DYSF: variants seen among roughly 807,000 people sequenced by gnomAD.
The protein encoded by DYSF is dystrophy-associated fer-1-like 1.
In DYSF, 212 loss-of-function variants were observed where a neutral mutation model predicts 274.9. That is an observed-to-expected ratio of 0.77 (90% CI 0.69 to 0.86). The LOEUF is 0.86. Ranked by LOEUF, DYSF falls within the 40% of genes least tolerant of loss-of-function variation. DYSF has a pLI of 0.00. For missense variants in DYSF, 2,666 were observed against 2,783.2 expected, an observed-to-expected ratio of 0.96 and a Z score of 0.95; for synonymous variants, 1,091 against 1,078.7, an observed-to-expected ratio of 1.01 and a Z score of -0.22.
chr2:71,607,328 T>C (rs1016870501), intron 36 of DYSF, among the ~76,000 whole-genome samples: 1 of 152,172 alleles, frequency 6.6e-6, no homozygotes, highest in African/African-American at 2.4e-5. Context: ...GGGTTGCGTG[T>C]GTCCCAGGAG....
At chr2:71,550,062 C>G (rs142212946) in intron 17 of DYSF, among the ~76,000 whole-genome samples, 2 of 152,232 alleles carry the variant, frequency 1.3e-5, no homozygotes, top group Non-Finnish European at 2.9e-5. Flanking sequence ...CTAGCTCAAA[C>G]GCTTCTTTGC....
At chr2:71,635,405 A>G (rs1207369995) in intron 41 of DYSF, among the ~76,000 whole-genome samples, 1 of 151,458 alleles carries the variant, frequency 6.6e-6, no homozygotes, top group Non-Finnish European at 1.5e-5. Context: ...CAGAACTGCA[A>G]TTATGTCTTT....
rs1159294834 is a variant in DYSF at position 71,582,106 on chromosome 2, CAAAA to C, written c.3403-7463_3403-7460del. Among the ~76,000 whole-genome samples, 6 of 35,114 alleles carry C rather than the reference CAAAA, an allele frequency of 1.7e-4. No homozygotes were observed. The East Asian group carries it at 2.5e-3, about 15-fold the overall frequency. 23.0% of individuals were successfully genotyped at this position (35,114 alleles called of 152,430 possible). On this transcript the variant is annotated intron_variant, in intron 30 of 55. Transcript: ENST00000410020. ...TGGGAGACAGAAGGAGACTCCGTCT[CAAAA>C]AAAAAAAAAAAAAAAAAAAAAAAGG...
intron 17 of DYSF, among the ~76,000 whole-genome samples, chr2:71,541,010 A>G (rs1026749825): frequency 1.3e-5 from 2 of 152,210 alleles, no homozygotes; most frequent in African/African-American, 2.4e-5. Context: ...TCTTTTCCCT[A>G]TATTTCGAAA....
chr2:71,555,271 G>T (rs1027770612), intron 21 of DYSF, among the ~76,000 whole-genome samples: 6 of 152,144 alleles, frequency 3.9e-5, no homozygotes, highest in Admixed American at 3.3e-4. Flanking sequence ...GGCAGGGACC[G>T]TGTTCTTTCC....
At position 71,674,999 on chromosome 2, in the gene DYSF, A is replaced by G. The variant is rs186539563; in HGVS notation, c.5884+703A>G. ...CATGAAAGCAATGAAATACTGATAC[A>G]TACTACACTGTAGGTGAACCTGAAA... On this transcript the variant is annotated intron_variant, in intron 52 of 55. Coordinates refer to ENST00000410020, the MANE Select transcript of DYSF (RefSeq NM_001130987.2). Among the ~76,000 whole-genome samples the G allele has an allele frequency of 4.3e-4, 66 of 152,352 alleles. 2 individuals are homozygous for G. The highest frequency in any genetic ancestry group is 4.1e-3 in the East Asian group (21 of 5,176).
At chr2:71,546,026 G>C (rs2090436900) in intron 17 of DYSF, among the ~76,000 whole-genome samples, 2 of 152,052 alleles carry the variant, frequency 1.3e-5, no homozygotes, top group Admixed American at 1.3e-4. Flanking sequence ...TGATTTAAGT[G>C]GCAGTAAAAG....
At chr2:71,663,044 C>CATATTTGTGTGTGTATGTCT (rs1373618587) in intron 45 of DYSF, among the ~76,000 whole-genome samples, 3 of 35,342 alleles carry the variant, frequency 8.5e-5, no homozygotes, top group South Asian at 1.0e-3. Context: ...TGTGTGTGCG[C>CATATTTGTGTGTGTATGTCT]GCACGCGCGT....
In DYSF at chr2:71,515,690, C is replaced by A. The variant is rs2086579500; in HGVS notation, c.827C>A (p.Thr276Asn). ...GVNIKPVVKVTAAGQTKRTRI... is the reference protein window; with the variant it reads ...GVNIKPVVKVNAAGQTKRTRI... The stretch of plus-strand genomic sequence containing the variant: ...AACATCAAGCCTGTGGTCAAGGTTA[C>A]CGCTGCAGGGCAGACCAAGCGGACG... Residue 276 changes from threonine (T) to asparagine (N), a missense_variant, in exon 8 of 56, where the codon ACC becomes AAC. By Grantham distance (65) the Thr-to-Asn change is moderately conservative (BLOSUM62 0). Coordinates refer to ENST00000410020, the MANE Select transcript of DYSF (RefSeq NM_001130987.2). 2 of 1,614,098 alleles carry A rather than the reference C, an allele frequency of 1.2e-6. No individual in the cohort carries two copies. Among genetic ancestry groups the A allele is most frequent in the Non-Finnish European group, 1.7e-6 (2 of 1,180,014 alleles).
intron 42 of DYSF, among the ~76,000 whole-genome samples, chr2:71,653,890 A>C (rs900315080): frequency 4.6e-5 from 7 of 151,838 alleles, no homozygotes; most frequent in Admixed American, 3.3e-4. Flanking sequence ...ACATAAGATA[A>C]TCAAACGTAA....
chr2:71,649,264 G>A (rs1385761994), intron 42 of DYSF, among the ~76,000 whole-genome samples: 2 of 152,038 alleles, frequency 1.3e-5, no homozygotes, highest in African/African-American at 4.8e-5. Flanking sequence ...TGTAGAGATG[G>A]TAAAACTGAC....
In DYSF at chr2:71,481,939, G is replaced by C. The variant is rs373900375; in HGVS notation, c.208G>C (p.Val70Leu). The C allele has an allele frequency of 6.2e-7, 1 of 1,614,068 alleles. No individual in the cohort carries two copies. Among genetic ancestry groups the C allele is most frequent in the Non-Finnish European group, 8.5e-7 (1 of 1,180,042 alleles). ...LDQGSELHVVVKDHETMGRNR... is the reference protein window; with the variant it reads ...LDQGSELHVVLKDHETMGRNR... Reference sequence around the variant, plus strand: ...CCAGGGCTCTGAGCTTCATGTGGTGGTCAAAGACCATGAGACGATGGGGAG... The same window carrying C: ...CCAGGGCTCTGAGCTTCATGTGGTGCTCAAAGACCATGAGACGATGGGGAG... The change falls in exon 3 of 56, where the codon GTC (valine) becomes CTC (leucine). Residue 70 changes from valine (V) to leucine (L), a missense_variant. By Grantham distance (32) the Val-to-Leu change is conservative. This residue lies in a region of DYSF where 794 missense variants were observed against 777.1 expected (regional missense o/e 1.02). Transcript: ENST00000410020.
intron 24 of DYSF, among the ~76,000 whole-genome samples, chr2:71,564,532 C>A (rs1216502595): frequency 1.3e-5 from 2 of 152,110 alleles, no homozygotes; most frequent in Admixed American, 1.3e-4. Context: ...CCAGGCAGGT[C>A]CCTTATAGGG....
chr2:71,545,954 G>C (rs143077727), intron 17 of DYSF, among the ~76,000 whole-genome samples: 2,036 of 152,336 alleles, frequency 0.013, 50 homozygotes, highest in African/African-American at 0.046. Flanking sequence ...AGATGGTTCT[G>C]GAAAGAAATG....
rs1214594848 is a variant in DYSF at position 71,674,229 on chromosome 2, C to A, written c.5817C>A (p.Ser1939Arg). ...TCTGGAGGCTGGACAAGACTGAGAGCAAAATCCCAGCACGAGTGGTGTTCC... is the reference window on the plus strand; with the variant it reads ...TCTGGAGGCTGGACAAGACTGAGAGAAAAATCCCAGCACGAGTGGTGTTCC... ...DAFWRLDKTE[S>R]KIPARVVFQI... The change falls in exon 52 of 56, where the codon AGC (serine) becomes AGA (arginine). Residue 1939 changes from serine (S) to arginine (R), a missense_variant. Around this residue, in one of 3 missense-constraint regions of DYSF, gnomAD observed 1,460 missense variants for 1,502.1 expected, o/e 0.97. Transcript: ENST00000410020. 2 of 1,614,080 alleles carry A rather than the reference C, an allele frequency of 1.2e-6. No individual in the cohort carries two copies. Among genetic ancestry groups the A allele is most frequent in the Non-Finnish European group, 1.7e-6 (2 of 1,180,052 alleles).
chr2:71,594,162 C>A (rs1254105225), intron 32 of DYSF, among the ~76,000 whole-genome samples: 1 of 152,180 alleles, frequency 6.6e-6, no homozygotes, highest in Non-Finnish European at 1.5e-5. Flanking sequence ...CTTAGTTTCC[C>A]TCAGATTCAG....
At position 71,589,616 on chromosome 2, in the gene DYSF, T is replaced by A. The variant is rs761653138; in HGVS notation, c.3426T>A (p.Ser1142Arg). Residue 1142 changes from serine to arginine, a missense_variant, in exon 31 of 56, where the codon AGT becomes AGA. By Grantham distance (110) the Ser-to-Arg change is moderately radical. Transcript: ENST00000410020. Reference protein sequence around the residue: ...GALGGVMDDKSEDSMSVSTLS... With the variant: ...GALGGVMDDKREDSMSVSTLS... ...AGGGCGGCGTGATGGATGACAAGAGTGAAGATTCCATGTCCGTCTCCACCT... is the reference window on the plus strand; with the variant it reads ...AGGGCGGCGTGATGGATGACAAGAGAGAAGATTCCATGTCCGTCTCCACCT... 3.1e-6 allele frequency: 5 copies of A among 1,613,272 alleles called. No homozygotes were observed. The East Asian group carries it at 1.1e-4, about 36-fold the overall frequency.
intron 41 of DYSF, among the ~76,000 whole-genome samples, chr2:71,634,080 T>C (rs1405268645): frequency 6.6e-6 from 1 of 152,188 alleles, no homozygotes; most frequent in Non-Finnish European, 1.5e-5. Context: ...TATTGGCTAT[T>C]AGCTGAAACT....
At chr2:71,491,826 A>C (rs1364201419) in intron 3 of DYSF, among the ~76,000 whole-genome samples, 1 of 152,200 alleles carries the variant, frequency 6.6e-6, no homozygotes, top group East Asian at 1.9e-4. Context: ...ATGGGCATTT[A>C]GGTTGATTCT....
Sources: gnomAD v4.1 joint callset for allele counts (sites outside exome capture counted in the v4.1 genomes callset) on GRCh38, gnomAD v4.1.1 for gene constraint, gnomAD v4.1.1 regional missense constraint, MANE v1.5 for transcripts, NCBI Gene and HGNC (gene_info 2026-07-23, HGNC 2026-07-21) for gene names.